The following NCOA2 variants were observed in gnomAD, a reference collection of about 807,000 sequenced individuals.
The protein encoded by NCOA2 is class E basic helix-loop-helix protein 75.
NCOA2 carries 21 observed loss-of-function variants against 145.1 expected under a neutral mutation model. The observed-to-expected ratio is 0.14, with a 90% confidence interval of 0.10 to 0.21. NCOA2 has a LOEUF of 0.21. Among genes scored for constraint, NCOA2 ranks in the 10% least tolerant of loss-of-function variants. NCOA2 has a pLI of 1.00. For synonymous variants in NCOA2, 619 were observed against 637.5 expected, an observed-to-expected ratio of 0.97 and a Z score of 0.44; for missense variants, 1,472 against 1,837.6, an observed-to-expected ratio of 0.80 and a Z score of 3.64.
chr8:70,298,977 G>A (rs1206291135), intron 1 of NCOA2, among the ~76,000 whole-genome samples: 9 of 151,890 alleles, frequency 5.9e-5, no homozygotes, highest in Non-Finnish European at 2.9e-5. Flanking sequence ...GGAGAATGGC[G>A]TGAACCCAGG....
intron 1 of NCOA2, among the ~76,000 whole-genome samples, chr8:70,364,976 T>TA (rs1462468114): frequency 2.0e-5 from 3 of 152,174 alleles, no homozygotes; most frequent in Non-Finnish European, 4.4e-5. Flanking sequence ...GTGATGTGGT[T>TA]AAGAAATTTG....
At chr8:70,311,068 G>A (rs892359949) in intron 1 of NCOA2, among the ~76,000 whole-genome samples, 6 of 151,690 alleles carry the variant, frequency 4.0e-5, no homozygotes, top group Non-Finnish European at 5.9e-5. Flanking sequence ...ACAATGTCTC[G>A]GTAGTAGATT....
chr8:70,139,300 C>CAT (rs1363516218), intron 14 of NCOA2, among the ~76,000 whole-genome samples: 2 of 152,070 alleles, frequency 1.3e-5, no homozygotes, highest in Non-Finnish European at 2.9e-5. Flanking sequence ...CTTATAGAGC[C>CAT]ATATTTCCAG....
upstream of NCOA2, among the ~76,000 whole-genome samples, chr8:70,408,326 A>G (rs1257054105): frequency 6.6e-6 from 1 of 152,262 alleles, no homozygotes; most frequent in Non-Finnish European, 1.5e-5. Flanking sequence ...ATCACAAGGT[A>G]CAAGGTCAAT....
chr8:70,175,309 C>T (rs1342483557), intron 4 of NCOA2, among the ~76,000 whole-genome samples: 1 of 152,220 alleles, frequency 6.6e-6, no homozygotes, highest in Non-Finnish European at 1.5e-5. Flanking sequence ...CTATGGCTGC[C>T]CCCATGAGAC....
chr8:70,246,886 A>G (rs1016586289), intron 2 of NCOA2, among the ~76,000 whole-genome samples: 1 of 152,178 alleles, frequency 6.6e-6, no homozygotes, highest in South Asian at 2.1e-4. Flanking sequence ...CATTTCACAA[A>G]ATCATTTTAC....
the NCOA2 span, among the ~76,000 whole-genome samples, chr8:70,418,970 A>G: frequency 2.6e-5 from 4 of 152,118 alleles, no homozygotes; most frequent in African/African-American, 7.2e-5. Flanking sequence ...GTAGTAATAA[A>G]GTGAGTGCTC....
intron 1 of NCOA2, among the ~76,000 whole-genome samples, chr8:70,309,069 T>C (rs1424847944): frequency 1.3e-5 from 2 of 152,302 alleles, no homozygotes; most frequent in African/African-American, 4.8e-5. Context: ...CTGCTACGTA[T>C]GTATGACTGC....
chr8:70,124,656 G>C, intron 20 of NCOA2, 32 bp downstream of exon 20: 1 of 1,561,136 alleles, frequency 6.4e-7, no homozygotes, highest in South Asian at 1.2e-5. Flanking sequence ...TGTCACAGTG[G>C]CGGTATGAAA....
intron 1 of NCOA2, among the ~76,000 whole-genome samples, chr8:70,341,828 A>G (rs1177083512): frequency 6.6e-6 from 1 of 152,246 alleles, no homozygotes; most frequent in East Asian, 1.9e-4. Context: ...TGAATTTTCC[A>G]ATGCTCAAAT....
intron 1 of NCOA2, among the ~76,000 whole-genome samples, chr8:70,311,514 C>T (rs960811596): frequency 2.0e-5 from 3 of 152,128 alleles, no homozygotes; most frequent in African/African-American, 4.8e-5. Flanking sequence ...GTATAAAAGT[C>T]GTAACAGTGT....
At chr8:70,306,020 T>C (rs1186553571) in intron 1 of NCOA2, among the ~76,000 whole-genome samples, 2 of 152,208 alleles carry the variant, frequency 1.3e-5, no homozygotes, top group African/African-American at 4.8e-5. Context: ...AATGTGGCCC[T>C]ACTGTGTGAG....
At chr8:70,180,244 T>C (rs1433004805) in intron 4 of NCOA2, among the ~76,000 whole-genome samples, 1 of 152,248 alleles carries the variant, frequency 6.6e-6, no homozygotes, top group Non-Finnish European at 1.5e-5. Flanking sequence ...ATCTTTTTAA[T>C]AGCGCCCAGT....
intron 2 of NCOA2, chr8:70,273,838 A>G (rs1825256344): frequency 3.6e-6 from 2 of 560,352 alleles, no homozygotes; most frequent in Admixed American, 3.8e-5. Context: ...AATGAGGCAA[A>G]CTGAAGTGAG....
chr8:70,445,894 GT>G, the NCOA2 span, among the ~76,000 whole-genome samples: 6 of 152,142 alleles, frequency 3.9e-5, no homozygotes, highest in African/African-American at 1.4e-4. Flanking sequence ...CACTTTAATT[GT>G]AAAATTATCC....
chr8:70,381,470 T>A (rs1487291938), intron 1 of NCOA2, among the ~76,000 whole-genome samples: 4 of 152,190 alleles, frequency 2.6e-5, no homozygotes, highest in Admixed American at 1.3e-4. Context: ...GTATTAGGAC[T>A]CTGTGATAAA....
rs1814637098 is a variant in NCOA2, at chr8:70,174,701, T to C, written c.363+55A>G. On this transcript the variant is annotated intron_variant, in intron 5 of 22. Coordinates refer to ENST00000452400, the MANE Select transcript of NCOA2 (RefSeq NM_006540.4). ...TATATTCACCTGAAATTAAATGTAA[T>C]AATGTGAAGATCAACAAGATTTTAA... 9.0e-6 allele frequency: 13 copies of C among 1,440,210 alleles called. No individual in the cohort carries two copies. In the South Asian group the frequency reaches 1.5e-4, roughly 16 times the overall value. The allele number at this position is 1,440,210 out of a possible 1,614,324, so 89.2% of individuals were successfully genotyped here.
intron 2 of NCOA2, among the ~76,000 whole-genome samples, chr8:70,278,531 A>G (rs1448099783): frequency 2.6e-5 from 4 of 152,096 alleles, no homozygotes. Flanking sequence ...GTCACTTCCT[A>G]GAATCCGCTT....
intron 4 of NCOA2, among the ~76,000 whole-genome samples, chr8:70,201,008 C>T (rs1265350322): frequency 7.7e-6 from 1 of 129,954 alleles, no homozygotes; most frequent in Non-Finnish European, 1.5e-5. Flanking sequence ...CACGATTACA[C>T]TACTGCACTC....
Sources: allele counts gnomAD v4.1 joint callset (sites outside exome capture counted in the v4.1 genomes callset), GRCh38; gene constraint gnomAD v4.1.1; transcripts MANE v1.5; gene names NCBI Gene and HGNC (gene_info 2026-07-23, HGNC 2026-07-21).